DBNL: variants seen among roughly 807,000 people sequenced by gnomAD.
DBNL encodes the protein drebrin-like protein.
DBNL carries 35 observed loss-of-function variants against 62.2 expected under a neutral mutation model. That is an observed-to-expected ratio of 0.56 (90% CI 0.43 to 0.75). The LOEUF is 0.75. DBNL is among the 30% of genes least tolerant of loss of function. The pLI is 0.00. For synonymous variants in DBNL, 197 were observed against 218.0 expected (o/e 0.90, Z 0.85); for missense variants, 495 against 578.4 (o/e 0.86, Z 1.48).
chr7:44,058,944 A>G lies in DBNL; in HGVS notation c.796A>G (p.Arg266Gly), dbSNP rs2096142437. ...GAGGGAGATTTTCAAGCAGAAGGAG[A>G]GGGCCATGTCCACCACCTCCATCTC... ...HPREIFKQKE[R>G]AMSTTSISSP... Residue 266 changes from arginine (R) to glycine (G), a missense_variant, in exon 9 of 13, where the codon AGG becomes GGG. Physicochemically the swap from Arg to Gly is moderately radical, Grantham distance 125. Coordinates refer to ENST00000448521, the MANE Select transcript of DBNL (RefSeq NM_001014436.3). 6.2e-7 allele frequency: 1 copy of G among 1,613,480 alleles called. No homozygotes were observed. The highest frequency in any genetic ancestry group is 1.3e-5 in the African/African-American group (1 of 74,746).
chr7:44,067,279 G>C lies in DBNL; in HGVS notation c.*6363G>C, dbSNP rs1357557516. ...CACATGGCAGAGAGGTGGGCTTTGT[G>C]TCCCAACACAGTGGGAATCACTGGA... On this transcript the variant is annotated 3_prime_UTR_variant, in exon 13 of 13. Transcript: ENST00000448521. 1.3e-5 allele frequency: 2 copies of C among 152,268 alleles called. No individual in the cohort carries two copies. The highest frequency in any genetic ancestry group is 2.9e-5 in the Non-Finnish European group (2 of 68,076). 9.4% of individuals were successfully genotyped at this position (152,268 alleles called of 1,614,324 possible).
At chr7:44,057,305 C>T (rs759020146) in intron 5 of DBNL, among the ~76,000 whole-genome samples, 1 of 152,204 alleles carries the variant, frequency 6.6e-6, no homozygotes, top group Non-Finnish European at 1.5e-5. Context: ...CTTGGAGTCA[C>T]GGGAGATACC....
intron 4 of DBNL, among the ~76,000 whole-genome samples, chr7:44,053,223 G>C (rs2096129737): frequency 6.6e-6 from 1 of 152,302 alleles, no homozygotes; most frequent in African/African-American, 2.4e-5. Context: ...GTGGGCCCTG[G>C]TTCTGTTTTG....
intron 1 of DBNL, among the ~76,000 whole-genome samples, chr7:44,047,423 A>G (rs1378110045): frequency 6.6e-6 from 1 of 152,162 alleles, no homozygotes; most frequent in Non-Finnish European, 1.5e-5. Flanking sequence ...AGCAACCATG[A>G]CATCAGCTCT....
chr7:44,050,190 T>C, intron 1 of DBNL, 35 bp from the exon 2 acceptor site: 1 of 1,611,584 alleles, frequency 6.2e-7, no homozygotes, highest in Middle Eastern at 1.7e-4. Flanking sequence ...GAACCCAAGG[T>C]GCTGGCTACA....
intron 1 of DBNL, 36 bp downstream of exon 1, chr7:44,044,856 C>T: frequency 7.1e-7 from 1 of 1,410,850 alleles, no homozygotes. Flanking sequence ...GGGCCAGGGG[C>T]TGCCTCAGGG....
Position 44,064,272 on chromosome 7 carries a change from C to T in DBNL, c.*3356C>T, listed in dbSNP as rs960600809. On this transcript the variant is annotated 3_prime_UTR_variant, in exon 13 of 13. Transcript: ENST00000448521. Reference sequence around the variant, plus strand: ...CTGCAAGCCCAGAGTCTGGCCACTCCATAGTCCTGCACCCCTCTTTTGATT... The same window carrying T: ...CTGCAAGCCCAGAGTCTGGCCACTCTATAGTCCTGCACCCCTCTTTTGATT... 1 of 165,060 alleles carries T rather than the reference C, an allele frequency of 6.1e-6. No homozygotes were observed. Among genetic ancestry groups the T allele is most frequent in the Admixed American group, 5.7e-5 (1 of 17,570 alleles). The allele number at this position is 165,060 out of a possible 1,614,324, so 10.2% of individuals were successfully genotyped here. A position where few individuals can be genotyped will look rare whatever the true frequency, so the allele number is the denominator to read the frequency against.
rs2096163395 is a variant in DBNL at position 44,068,237 on chromosome 7, AGG to A, written c.*7322_*7323del. 2 of 77,440 alleles carry A rather than the reference AGG, an allele frequency of 2.6e-5. No individual in the cohort carries two copies. Among genetic ancestry groups the A allele is most frequent in the Non-Finnish European group, 5.0e-5 (2 of 39,956 alleles). 4.8% of individuals were successfully genotyped at this position (77,440 alleles called of 1,614,324 possible). A position where few individuals can be genotyped will look rare whatever the true frequency, so the allele number is the denominator to read the frequency against. ...AGTTTCAGGGAGTATGCAGCAGGGT[AGG>A]TAGGGAAAGAGCCCCAGATTTGTGG... On this transcript the variant is annotated 3_prime_UTR_variant, in exon 13 of 13. Coordinates refer to ENST00000448521, the MANE Select transcript of DBNL (RefSeq NM_001014436.3).
intron 5 of DBNL, 130 bp downstream of exon 5, chr7:44,057,033 C>A: frequency 1.5e-6 from 2 of 1,370,300 alleles, no homozygotes; most frequent in Non-Finnish European, 2.0e-6. Flanking sequence ...ATGGTAACCC[C>A]TGAGCTGTGG....
At chr7:44,048,940 G>A (rs764053243) in intron 1 of DBNL, among the ~76,000 whole-genome samples, 2 of 152,076 alleles carry the variant, frequency 1.3e-5, no homozygotes, top group Non-Finnish European at 2.9e-5. Flanking sequence ...CTGTAGCCTC[G>A]ACCTCCCAGG....
intron 1 of DBNL, 106 bp downstream of exon 1, chr7:44,044,926 G>A: frequency 2.5e-6 from 3 of 1,191,980 alleles, no homozygotes; most frequent in Non-Finnish European, 3.3e-6. Context: ...GCGCGGAGCG[G>A]TGCCCAGGCA....
intron 4 of DBNL, among the ~76,000 whole-genome samples, chr7:44,053,866 C>T (rs993920350): frequency 7.2e-5 from 11 of 151,758 alleles, no homozygotes; most frequent in African/African-American, 1.7e-4. Context: ...TTAGTAGAGA[C>T]GGGGTTTCAC....
At chr7:44,056,994 C>A in intron 5 of DBNL, 91 bp downstream of exon 5, 1 of 1,558,642 alleles carries the variant, frequency 6.4e-7, no homozygotes. Context: ...CCCGGGCTGG[C>A]TGGGCCCATG....
Position 44,069,070 on chromosome 7 carries a change from G to GAAGTA in DBNL, c.*8156_*8157insGTAAA, listed in dbSNP as rs146623164. ...TTCTATTTTACTGGAATAAAAGAAT[G>GAAGTA]AAATAAAGACATTCTCAAATGAAGG... On this transcript the variant is annotated 3_prime_UTR_variant, in exon 13 of 13. Transcript: ENST00000448521. 3 of 152,102 alleles carry GAAGTA rather than the reference G, an allele frequency of 2.0e-5. No homozygotes were observed. Among genetic ancestry groups the GAAGTA allele is most frequent in the African/African-American group, 7.2e-5 (3 of 41,420 alleles). The allele number at this position is 152,102 out of a possible 1,614,324, so 9.4% of individuals were successfully genotyped here.
rs201466446 is a variant in DBNL, at chr7:44,058,246, T to C, written c.670T>C (p.Tyr224His). The change falls in exon 7 of 13, where the codon TAT becomes CAT. Residue 224 changes from tyrosine (Y) to histidine (H), a missense_variant. By Grantham distance (83) the Tyr-to-His change is moderately conservative. Coordinates refer to ENST00000448521, the MANE Select transcript of DBNL (RefSeq NM_001014436.3). ...LREAARREQR[Y>H]QEQGGEASPQ... is the part of the protein sequence containing the mutation. ...TGAGGCTGCACGCCGGGAGCAGCGC[T>C]ATCAGGAGCAGGGTGGCGAGGCCAG... 2.4e-4 allele frequency: 386 copies of C among 1,579,126 alleles called. 1 individual carries two copies. The highest frequency in any genetic ancestry group is 3.1e-4 in the Non-Finnish European group (356 of 1,163,736).
intron 1 of DBNL, among the ~76,000 whole-genome samples, chr7:44,048,227 G>T (rs1277359399): frequency 1.3e-5 from 2 of 152,190 alleles, no homozygotes; most frequent in African/African-American, 4.8e-5. Context: ...GTCCCTTCTT[G>T]CAAGAGCTGG....
At position 44,058,470 on chromosome 7, in the gene DBNL, G is replaced by A. The variant is rs747090602; in HGVS notation, c.743G>A (p.Arg248Gln). Residue 248 changes from arginine to glutamine, a missense_variant, in exon 8 of 13, where the codon CGA becomes CAA. Physicochemically the swap from Arg to Gln is conservative, Grantham distance 43 (BLOSUM62 1). Transcript: ENST00000448521. ...CAGCAAGAAGTGGTTTCAAGGAACC[G>A]AAATGAGCAGGTAAGATGGGGGTGC... Reference protein sequence around the residue: ...EQQQEVVSRNRNEQESAVHPR... With the variant: ...EQQQEVVSRNQNEQESAVHPR... 26 of 1,614,086 alleles carry A rather than the reference G, an allele frequency of 1.6e-5. No individual in the cohort carries two copies. In the East Asian group the frequency reaches 4.7e-4, roughly 29 times the overall value.
intron 4 of DBNL, 128 bp downstream of exon 4, chr7:44,053,069 G>C (rs138609206): frequency 3.2e-6 from 4 of 1,249,868 alleles, no homozygotes; most frequent in African/African-American, 1.5e-5. Context: ...AATGCTCTCT[G>C]CCTGCCTTTG....
rs746418005 is a variant in DBNL, at chr7:44,050,277, G to C, written c.136G>C (p.Gly46Arg). The change falls in exon 2 of 13, where the codon GGG becomes CGG. Residue 46 changes from glycine to arginine, a missense_variant. Physicochemically the swap from Gly to Arg is moderately radical, Grantham distance 125. Transcript: ENST00000448521. ...CAATGACATCCGCGTGGCTGGCACA[G>C]GGGGTGAGTATGACTCCAAATGGAC... ...NSNDIRVAGT[G>R]EGGLEEMVEE... 1 of 1,613,506 alleles carries C rather than the reference G, an allele frequency of 6.2e-7. No homozygotes were observed. Among genetic ancestry groups the C allele is most frequent in the Non-Finnish European group, 8.5e-7 (1 of 1,179,530 alleles).
Sources: allele counts gnomAD v4.1 joint callset (sites outside exome capture counted in the v4.1 genomes callset), GRCh38; gene constraint gnomAD v4.1.1; transcripts MANE v1.5; gene names NCBI Gene and HGNC (gene_info 2026-07-23, HGNC 2026-07-21).